CCNB2: variants seen among roughly 807,000 people sequenced by gnomAD.
CCNB2 encodes cyclin B2.
CCNB2 carries 39 observed loss-of-function variants against 51.1 expected under a neutral mutation model. The observed-to-expected ratio is 0.76, with a 90% CI of 0.59 to 1.00. The LOEUF is 1.00. CCNB2 is among the 50% of genes least tolerant of loss of function. CCNB2 has a pLI of 0.00. For missense variants in CCNB2, 472 were observed against 470.3 expected, an observed-to-expected ratio of 1.00 and a Z score of -0.03; for synonymous variants, 174 against 165.5, an observed-to-expected ratio of 1.05 and a Z score of -0.40.
intron 7 of CCNB2, among the ~76,000 whole-genome samples, chr15:59,117,937 C>A (rs139644875): frequency 6.6e-6 from 1 of 152,114 alleles, no homozygotes; most frequent in East Asian, 1.9e-4. Context: ...ACCCTTGTCT[C>A]TTGGGAAAGA....
intron 8 of CCNB2, chr15:59,123,999 A>C (rs940794561): frequency 2.0e-4 from 39 of 195,962 alleles, no homozygotes; most frequent in Non-Finnish European, 2.1e-4. Flanking sequence ...GCCCACTTCA[A>C]ATGGCGGTGT....
chr15:59,119,042 G>A (rs2079290901), intron 7 of CCNB2, among the ~76,000 whole-genome samples: 1 of 152,134 alleles, frequency 6.6e-6, no homozygotes, highest in Admixed American at 6.5e-5. Context: ...GAAACTATGG[G>A]GTTCTTTGGG....
At chr15:59,118,275 G>C (rs2079287283) in intron 7 of CCNB2, among the ~76,000 whole-genome samples, 1 of 152,214 alleles carries the variant, frequency 6.6e-6, no homozygotes, top group African/African-American at 2.4e-5. Context: ...TGGCTGCAAT[G>C]CAAGTCACAG....
At chr15:59,114,032 C>T (rs185821305) in intron 3 of CCNB2, among the ~76,000 whole-genome samples, 16 of 152,198 alleles carry the variant, frequency 1.1e-4, no homozygotes, top group Non-Finnish European at 2.2e-4. Flanking sequence ...TAGGATAGAC[C>T]CCATTGAGAA....
chr15:59,109,766 C>T (rs529244534), intron 3 of CCNB2, among the ~76,000 whole-genome samples: 2 of 152,260 alleles, frequency 1.3e-5, no homozygotes, highest in South Asian at 2.1e-4. Flanking sequence ...GCGGGCGGAT[C>T]GCGAGGTCAG....
At position 59,114,458 on chromosome 15, in the gene CCNB2, A is replaced by G; in HGVS notation, c.282A>G (p.Thr94=). The G allele has an allele frequency of 6.2e-7, 1 of 1,604,744 alleles. No homozygotes were observed. The highest frequency in any genetic ancestry group is 8.5e-7 in the Non-Finnish European group (1 of 1,175,634). The change falls in exon 4 of 9, where the codon ACA becomes ACG. Residue 94 remains threonine (T), a synonymous_variant. Transcript: ENST00000288207. ...TGTTGGTGTAGGGTCCTTCTCCCAC[A>G]CCTGAGGATGTCTCCATGAAGGAAG... ...EKLAPKGPSP[T]PEDVSMKEEN...
chr15:59,107,637 CA>C lies in CCNB2; in HGVS notation c.237del (p.Lys79AsnfsTer22), dbSNP rs772878851. 5.6e-6 allele frequency: 9 copies of C among 1,614,124 alleles called. No homozygotes were observed. The highest frequency in any genetic ancestry group is 6.8e-6 in the Non-Finnish European group (8 of 1,180,024). On this transcript the variant is annotated frameshift_variant, in exon 3 of 9. Transcript: ENST00000288207. LOFTEE classifies it high-confidence loss of function. ...NKQLKPTASV[K>X]PVQMEKLAPK... ...AACAACTGAAACCTACTGCTTCTGTCAAACCAGTACAGATGGAAAAGTTGGC... is the reference window on the plus strand; with the variant it reads ...AACAACTGAAACCTACTGCTTCTGTCAACCAGTACAGATGGAAAAGTTGGC...
intron 3 of CCNB2, among the ~76,000 whole-genome samples, chr15:59,112,586 C>T (rs2079261867): frequency 6.6e-6 from 1 of 152,004 alleles, no homozygotes; most frequent in South Asian, 2.1e-4. Flanking sequence ...ACCTCGTGAT[C>T]CACCCACCTT....
At chr15:59,107,210 T>C (rs2140285083) in intron 1 of CCNB2, 112 bp from the exon 2 acceptor site, 3 of 940,444 alleles carry the variant, frequency 3.2e-6, no homozygotes, top group Middle Eastern at 3.4e-4. Context: ...ATCTTGCAAA[T>C]AGATCTTGAC....
Position 59,114,740 on chromosome 15 carries a change from A to T in CCNB2, c.461A>T (p.His154Leu), listed in dbSNP as rs779036918. 3.1e-6 allele frequency: 5 copies of T among 1,612,296 alleles called. No homozygotes were observed. Among genetic ancestry groups the T allele is most frequent in the Non-Finnish European group, 4.2e-6 (5 of 1,178,644 alleles). The change falls in exon 5 of 9, where the codon CAT becomes CTT. Residue 154 changes from histidine (H) to leucine (L), a missense_variant. Physicochemically the swap from His to Leu is moderately conservative, Grantham distance 99. Coordinates refer to ENST00000288207, the MANE Select transcript of CCNB2 (RefSeq NM_004701.4). ...QLEVLQSINP[H>L]FLDGRDINGR... The stretch of plus-strand genomic sequence containing the variant: ...CAGGTTTTGCAGTCCATAAACCCAC[A>T]TTTCTTAGATGGAAGAGATATAAAT...
chr15:59,114,870 T>TTTACAGGTAGGTGTGGCTTC lies in CCNB2; in HGVS notation c.592_597+14dup. On this transcript the variant is annotated frameshift_variant, in exon 5 of 9. Transcript: ENST00000288207. LOFTEE classifies it high-confidence loss of function. ...TGTGCGTTGGCATTATGGATCGATTTTTACAGGTAGGTGTGGCTTCAGGGA... is the reference window on the plus strand; with the variant it reads ...TGTGCGTTGGCATTATGGATCGATTTTTACAGGTAGGTGTGGCTTCTTACAGGTAGGTGTGGCTTCAGGGA... 6.2e-7 allele frequency: 1 copy of TTTACAGGTAGGTGTGGCTTC among 1,612,562 alleles called. No homozygotes were observed.
At chr15:59,111,991 A>G (rs764964086) in intron 3 of CCNB2, among the ~76,000 whole-genome samples, 92 of 151,728 alleles carry the variant, frequency 6.1e-4, no homozygotes, top group Non-Finnish European at 8.4e-4. Flanking sequence ...AGTTGGGACA[A>G]CAAGTGTGCG....
chr15:59,111,592 T>C (rs750618823), intron 3 of CCNB2, among the ~76,000 whole-genome samples: 3 of 152,214 alleles, frequency 2.0e-5, no homozygotes, highest in Admixed American at 6.5e-5. Context: ...ACCTTAACGT[T>C]TGGATAAAAT....
At chr15:59,118,291 CTG>C (rs1423486382) in intron 7 of CCNB2, among the ~76,000 whole-genome samples, 1 of 152,182 alleles carries the variant, frequency 6.6e-6, no homozygotes, top group Admixed American at 6.5e-5. Flanking sequence ...CACAGGTACA[CTG>C]TTGTGGAGAA....
chr15:59,118,679 G>A (rs1036770751), intron 7 of CCNB2, among the ~76,000 whole-genome samples: 1 of 152,150 alleles, frequency 6.6e-6, no homozygotes, highest in Non-Finnish European at 1.5e-5. Context: ...GCGAGACTCT[G>A]TCTCCAAAAA....
chr15:59,116,705 C>T lies in CCNB2; in HGVS notation c.613C>T (p.Arg205Trp), dbSNP rs369137460. The T allele has an allele frequency of 4.2e-5, 67 of 1,609,906 alleles. No individual in the cohort carries two copies. Among genetic ancestry groups the T allele is most frequent in the Admixed American group, 1.2e-4 (7 of 59,918 alleles). ...TTTCCATTAGGTTCAGCCAGTTTCC[C>T]GGAAGAAGCTTCAATTAGTTGGGAT... The part of the protein sequence containing the change: ...DRFLQVQPVS[R>W]KKLQLVGITA... The change falls in exon 6 of 9, where the codon CGG becomes TGG. Residue 205 changes from arginine (R) to tryptophan (W), a missense_variant. Coordinates refer to ENST00000288207, the MANE Select transcript of CCNB2 (RefSeq NM_004701.4).
intron 7 of CCNB2, among the ~76,000 whole-genome samples, chr15:59,118,299 G>T (rs1566957366): frequency 6.6e-6 from 1 of 152,148 alleles, no homozygotes; most frequent in East Asian, 1.9e-4. Context: ...CACTGTTGTG[G>T]AGAAGCCAGT....
At chr15:59,110,736 C>A (rs1482043233) in intron 3 of CCNB2, among the ~76,000 whole-genome samples, 7 of 152,202 alleles carry the variant, frequency 4.6e-5, no homozygotes, top group Non-Finnish European at 8.8e-5. Flanking sequence ...AACTGAATCA[C>A]AAAGTGCCCT....
At chr15:59,124,627 C>G in intron 8 of CCNB2, 140 bp from the exon 9 acceptor site, 1 of 683,324 alleles carries the variant, frequency 1.5e-6, no homozygotes, top group Non-Finnish European at 2.6e-6. Flanking sequence ...GAGCCCAGAG[C>G]TTTCACTGGC....
Sources: gnomAD v4.1 joint callset for allele counts (sites outside exome capture counted in the v4.1 genomes callset) on GRCh38, gnomAD v4.1.1 for gene constraint, MANE v1.5 for transcripts, NCBI Gene and HGNC (gene_info 2026-07-23, HGNC 2026-07-21) for gene names.